The following NDFIP1 variants were observed in gnomAD, a reference collection of about 807,000 sequenced individuals.
NDFIP1 encodes Nedd4 family interacting protein 1.
NDFIP1 carries 7 observed loss-of-function variants against 28.8 expected under a neutral mutation model. The ratio of observed to expected loss-of-function variants is 0.24; its 90% CI spans 0.14 to 0.46. The LOEUF is 0.46. NDFIP1 is among the 20% of genes least tolerant of loss of function. The pLI, the probability that NDFIP1 is intolerant of heterozygous loss-of-function variation, is 0.99. For synonymous variants in NDFIP1, 92 were observed against 101.0 expected (o/e 0.91, Z 0.53); for missense variants, 194 against 269.1 (o/e 0.72, Z 1.95).
intron 4 of NDFIP1, among the ~76,000 whole-genome samples, chr5:142,136,169 C>T (rs1316289418): frequency 1.3e-5 from 2 of 152,168 alleles, no homozygotes; most frequent in Non-Finnish European, 2.9e-5. Context: ...GAATTTTGCT[C>T]TGAAAGCTTC....
chr5:142,137,520 A>C (rs990503942), intron 4 of NDFIP1, among the ~76,000 whole-genome samples: 2 of 152,066 alleles, frequency 1.3e-5, no homozygotes, highest in Admixed American at 6.5e-5. Context: ...CAGTAGACAT[A>C]AGTGTGTAAA....
At chr5:142,111,821 C>T (rs945275881) in intron 1 of NDFIP1, among the ~76,000 whole-genome samples, 1 of 152,166 alleles carries the variant, frequency 6.6e-6, no homozygotes, top group South Asian at 2.1e-4. Context: ...AATCACAGCA[C>T]TTTGGGAGGC....
chr5:142,146,676 T>A (rs2126923790), intron 7 of NDFIP1, among the ~76,000 whole-genome samples: 2 of 152,310 alleles, frequency 1.3e-5, no homozygotes, highest in South Asian at 4.1e-4. Flanking sequence ...CTAAATGGAC[T>A]GAGATCACAC....
chr5:142,140,866 C>A (rs139753405), intron 6 of NDFIP1, among the ~76,000 whole-genome samples: 15 of 152,256 alleles, frequency 9.9e-5, no homozygotes, highest in African/African-American at 3.6e-4. Context: ...TACATATATT[C>A]TTCTCCCCCA....
chr5:142,144,670 A>C lies in NDFIP1; in HGVS notation c.662A>C (p.Tyr221Ser). 6.4e-7 allele frequency: 1 copy of C among 1,573,634 alleles called. No individual in the cohort carries two copies. Among genetic ancestry groups the C allele is most frequent in the Non-Finnish European group, 8.7e-7 (1 of 1,150,834 alleles). Residue 221 changes from tyrosine (Y) to serine (S), a missense_variant, in exon 7 of 8, where the codon TAT (tyrosine) becomes TCT (serine). Transcript: ENST00000253814. ...NLPRTRVLFI[Y>S] ...CCCAGGACCAGAGTTCTCTTTATTT[A>C]TTAAAGGTATTAAAGAAAAAATTTA... is the stretch of plus-strand genomic sequence containing the variant.
At chr5:142,131,626 T>A (rs950551691) in intron 1 of NDFIP1, among the ~76,000 whole-genome samples, 182 bp from the exon 2 acceptor site, 4 of 152,228 alleles carry the variant, frequency 2.6e-5, no homozygotes, top group African/African-American at 9.6e-5. Context: ...TTTGCCTCTT[T>A]GAATATTTCC....
intron 3 of NDFIP1, among the ~76,000 whole-genome samples, chr5:142,133,299 T>G (rs1005548852): frequency 6.6e-6 from 1 of 152,212 alleles, no homozygotes; most frequent in Non-Finnish European, 1.5e-5. Flanking sequence ...AAAACCCTAG[T>G]GTCTAAGGGC....
intron 4 of NDFIP1, among the ~76,000 whole-genome samples, chr5:142,136,392 G>T (rs370232484): frequency 4.8e-4 from 73 of 152,188 alleles, no homozygotes; most frequent in African/African-American, 1.7e-3. Flanking sequence ...ATTATTTGGG[G>T]GCACTTATTT....
chr5:142,127,004 C>G (rs1013839613), intron 1 of NDFIP1, among the ~76,000 whole-genome samples: 4 of 151,654 alleles, frequency 2.6e-5, no homozygotes, highest in African/African-American at 7.3e-5. Context: ...AAAAAACGCT[C>G]TATTTTATTT....
chr5:142,128,217 A>G (rs1194186129), intron 1 of NDFIP1, among the ~76,000 whole-genome samples: 1 of 152,110 alleles, frequency 6.6e-6, no homozygotes, highest in Non-Finnish European at 1.5e-5. Context: ...GACCCAGTTG[A>G]TGGAAGAGAC....
At chr5:142,116,367 TCTCTC>T (rs1757068539) in intron 1 of NDFIP1, among the ~76,000 whole-genome samples, 1 of 151,434 alleles carries the variant, frequency 6.6e-6, no homozygotes, top group African/African-American at 2.4e-5. Context: ...TCTCTCTCTC[TCTCTC>T]TTTCTTTCTT....
intron 4 of NDFIP1, 137 bp downstream of exon 4, chr5:142,135,954 T>C (rs994422826): frequency 1.3e-5 from 7 of 559,696 alleles, no homozygotes; most frequent in Non-Finnish European, 1.9e-5. Context: ...TTTACTGGAA[T>C]ATTCAAAGCT....
intron 3 of NDFIP1, among the ~76,000 whole-genome samples, chr5:142,132,682 G>C (rs192432475): frequency 6.6e-6 from 1 of 152,176 alleles, no homozygotes; most frequent in African/African-American, 2.4e-5. Context: ...AGCTGCTAGG[G>C]AGGTCTAGGA....
intron 1 of NDFIP1, among the ~76,000 whole-genome samples, chr5:142,113,665 T>C (rs1757037590): frequency 6.6e-6 from 1 of 152,208 alleles, no homozygotes. Context: ...TCCAGAACTT[T>C]GTCACCTTGC....
intron 3 of NDFIP1, among the ~76,000 whole-genome samples, chr5:142,135,040 G>A (rs1757260188): frequency 6.6e-6 from 1 of 151,834 alleles, no homozygotes; most frequent in African/African-American, 2.4e-5. Flanking sequence ...GTGCAGTGGT[G>A]GGATCTTGGC....
At chr5:142,136,148 A>T (rs986374224) in intron 4 of NDFIP1, among the ~76,000 whole-genome samples, 3 of 152,204 alleles carry the variant, frequency 2.0e-5, no homozygotes, top group African/African-American at 4.8e-5. Context: ...TAGGAATTAA[A>T]TGCCTTTGAT....
Position 142,137,717 on chromosome 5 carries a change from C to T in NDFIP1, c.371-17C>T. 6.2e-7 allele frequency: 1 copy of T among 1,613,564 alleles called. No individual in the cohort carries two copies. The highest frequency in any genetic ancestry group is 8.5e-7 in the Non-Finnish European group (1 of 1,179,678). On this transcript the variant is annotated splice_polypyrimidine_tract_variant and intron_variant, in intron 4 of 7. Transcript: ENST00000253814. ...ACAGGACATGTCTAACATCTTTCCC[C>T]TCCTCTGCTTTTGCAGTGGCATTCC...
chr5:142,112,793 A>AG (rs1196699379), intron 1 of NDFIP1, among the ~76,000 whole-genome samples: 7 of 151,978 alleles, frequency 4.6e-5, no homozygotes, highest in Non-Finnish European at 1.0e-4. Flanking sequence ...CCAAAAAAAA[A>AG]AAAAAGAGGC....
chr5:142,117,462 C>G (rs926297042), intron 1 of NDFIP1, among the ~76,000 whole-genome samples: 1 of 151,560 alleles, frequency 6.6e-6, no homozygotes, highest in East Asian at 2.0e-4. Context: ...AAGATGGTCT[C>G]GATCTCTTGA....
Sources: gnomAD v4.1 joint callset for allele counts (sites outside exome capture counted in the v4.1 genomes callset) on GRCh38, gnomAD v4.1.1 for gene constraint, MANE v1.5 for transcripts, NCBI Gene and HGNC (gene_info 2026-07-23, HGNC 2026-07-21) for gene names.